The following PDE3A variants were observed in gnomAD, a reference collection of about 807,000 sequenced individuals.
PDE3A encodes cGMP-inhibited 3',5'-cyclic phosphodiesterase 3A.
Under a neutral mutation model 98.3 loss-of-function variants are expected in PDE3A, and 43 were observed. That is an observed-to-expected ratio of 0.44 (90% CI 0.34 to 0.56). The LOEUF (loss-of-function observed/expected upper bound fraction) is 0.56. Among genes scored for constraint, PDE3A ranks in the 20% least tolerant of loss-of-function variants. The probability of loss-of-function intolerance (pLI) is 0.01; values close to 1 mark genes in which losing one functional copy is unlikely to be tolerated. For missense variants in PDE3A, 1,427 were observed against 1,440.7 expected (o/e 0.99, Z 0.15); for synonymous variants, 663 against 567.9 (o/e 1.17, Z -2.38).
At chr12:20,677,817 GC>G (rs1945680113) in intron 15 of PDE3A, among the ~76,000 whole-genome samples, 1 of 77,966 alleles carries the variant, frequency 1.3e-5, no homozygotes, top group Admixed American at 1.0e-4. Flanking sequence ...AAGTTCCTTG[GC>G]TTTTGATTTT....
chr12:20,577,925 A>T (rs1942972803), intron 2 of PDE3A, among the ~76,000 whole-genome samples: 1 of 152,306 alleles, frequency 6.6e-6, no homozygotes, highest in Non-Finnish European at 1.5e-5. Flanking sequence ...AAGGAAGTAG[A>T]GGTGTGAATT....
At chr12:20,668,653 G>A (rs1174176111) in intron 15 of PDE3A, among the ~76,000 whole-genome samples, 1 of 151,478 alleles carries the variant, frequency 6.6e-6, no homozygotes, top group Non-Finnish European at 1.5e-5. Context: ...CTGTTAGAAG[G>A]AAAACTAACA....
intron 1 of PDE3A, among the ~76,000 whole-genome samples, chr12:20,391,988 A>G (rs1425909892): frequency 1.3e-5 from 2 of 151,896 alleles, no homozygotes; most frequent in African/African-American, 4.8e-5. Context: ...AGGAAGGGGG[A>G]CGTGTAATTT....
intron 1 of PDE3A, among the ~76,000 whole-genome samples, chr12:20,490,946 T>C (rs1945815435): frequency 6.6e-6 from 1 of 151,950 alleles, no homozygotes; most frequent in African/African-American, 2.4e-5. Context: ...CTGTACCAAA[T>C]AAAAATTAGC....
intron 9 of PDE3A, among the ~76,000 whole-genome samples, chr12:20,639,408 A>G (rs2121513632): frequency 6.6e-6 from 1 of 152,234 alleles, no homozygotes; most frequent in Admixed American, 6.5e-5. Context: ...TTAAACTTTG[A>G]ACAAATGTAG....
At chr12:20,503,604 A>C (rs1946062857) in intron 1 of PDE3A, among the ~76,000 whole-genome samples, 1 of 152,054 alleles carries the variant, frequency 6.6e-6, no homozygotes, top group South Asian at 2.1e-4. Context: ...AGAGTGATCT[A>C]ATTTGAATTT....
intron 1 of PDE3A, among the ~76,000 whole-genome samples, chr12:20,511,130 A>G (rs1946212827): frequency 6.6e-6 from 1 of 152,010 alleles, no homozygotes; most frequent in Admixed American, 6.6e-5. Context: ...AGTTTGGTTG[A>G]TGGCATCAAA....
chr12:20,461,455 A>G (rs1945249437), intron 1 of PDE3A, among the ~76,000 whole-genome samples: 1 of 152,198 alleles, frequency 6.6e-6, no homozygotes, highest in African/African-American at 2.4e-5. Flanking sequence ...GGTCCATAAC[A>G]TGGTAGAATC....
chr12:20,526,988 G>A (rs1296211270), intron 1 of PDE3A, among the ~76,000 whole-genome samples: 3 of 149,756 alleles, frequency 2.0e-5, no homozygotes, highest in Admixed American at 6.7e-5. Flanking sequence ...GCGCGATCTC[G>A]GCTCACTGCA....
At chr12:20,668,180 C>T (rs1039931741) in intron 15 of PDE3A, among the ~76,000 whole-genome samples, 4 of 152,222 alleles carry the variant, frequency 2.6e-5, no homozygotes, top group African/African-American at 4.8e-5. Flanking sequence ...ATATCCCGCA[C>T]CTGGCTTGGA....
At chr12:20,621,201 A>T in intron 4 of PDE3A, 95 bp from the exon 5 acceptor site, 1 of 698,066 alleles carries the variant, frequency 1.4e-6, no homozygotes, top group Non-Finnish European at 2.6e-6. Flanking sequence ...CAAATCTATT[A>T]GAGAAATGAT....
At chr12:20,377,103 A>G (rs1591858603) in intron 1 of PDE3A, among the ~76,000 whole-genome samples, 2 of 151,838 alleles carry the variant, frequency 1.3e-5, no homozygotes, top group East Asian at 3.9e-4. Context: ...CTGTATGTGC[A>G]TTTATGATTT....
chr12:20,395,023 A>T (rs552301893), intron 1 of PDE3A, among the ~76,000 whole-genome samples: 156 of 152,180 alleles, frequency 1.0e-3, no homozygotes, highest in African/African-American at 3.0e-3. Context: ...AATCAATAGA[A>T]ATTGAATTTT....
chr12:20,422,260 C>T (rs1477581869), intron 1 of PDE3A, among the ~76,000 whole-genome samples: 1 of 151,794 alleles, frequency 6.6e-6, no homozygotes, highest in Non-Finnish European at 1.5e-5. Context: ...GGGAGAATGG[C>T]GTGAACCCGG....
intron 1 of PDE3A, among the ~76,000 whole-genome samples, chr12:20,508,567 T>A (rs12832108): frequency 0.21 from 31,958 of 151,960 alleles, 3,530 homozygotes; most frequent in Non-Finnish European, 0.24. Flanking sequence ...TTTCATTTCA[T>A]GCAGTATTGC....
chr12:20,679,846 GCAT>G (rs1251089120), intron 15 of PDE3A, among the ~76,000 whole-genome samples, 181 bp from the exon 16 acceptor site: 2 of 147,972 alleles, frequency 1.4e-5, no homozygotes, highest in Non-Finnish European at 3.0e-5. Context: ...CTCCAAAACT[GCAT>G]TATTATAATA....
chr12:20,421,832 T>C (rs1204401087), intron 1 of PDE3A, among the ~76,000 whole-genome samples: 1 of 152,096 alleles, frequency 6.6e-6, no homozygotes, highest in Admixed American at 6.5e-5. Flanking sequence ...TAATGAGCAA[T>C]GTAAAGTAAA....
chr12:20,419,075 A>G (rs1442846700), intron 1 of PDE3A, among the ~76,000 whole-genome samples: 1 of 152,128 alleles, frequency 6.6e-6, no homozygotes, highest in Non-Finnish European at 1.5e-5. Context: ...GGGGTTATAG[A>G]TTAAAGAAAC....
chr12:20,684,857 T>G lies in PDE3A; in HGVS notation c.*4586T>G, dbSNP rs895170081. Among the ~76,000 whole-genome samples, 2 of 152,262 alleles carry G rather than the reference T, an allele frequency of 1.3e-5. No individual in the cohort carries two copies. The highest frequency in any genetic ancestry group is 2.9e-5 in the Non-Finnish European group (2 of 68,046). On this transcript the variant is annotated 3_prime_UTR_variant, in exon 16 of 16. Coordinates refer to ENST00000359062, the MANE Select transcript of PDE3A (RefSeq NM_000921.5). ...ACAAACAATGAGTTGAGCTAAAAAC[T>G]ATACATAACTTAAATTGAGATTTGC...
Sources: gnomAD v4.1 joint callset for allele counts (sites outside exome capture counted in the v4.1 genomes callset) on GRCh38, gnomAD v4.1.1 for gene constraint, MANE v1.5 for transcripts, NCBI Gene and HGNC (gene_info 2026-07-23, HGNC 2026-07-21) for gene names.